The following ADGRV1 variants were observed in gnomAD, a reference collection of about 807,000 sequenced individuals.
ADGRV1 encodes adhesion G protein-coupled receptor V1.
In ADGRV1, 359 loss-of-function variants were observed where a neutral mutation model predicts 596.2. The observed-to-expected ratio is 0.60, with a 90% CI of 0.55 to 0.66. The LOEUF (loss-of-function observed/expected upper bound fraction) is 0.66, where lower values mean the gene tolerates loss of function less well. Among genes scored for constraint, ADGRV1 ranks in the 30% least tolerant of loss-of-function variants. The probability of loss-of-function intolerance (pLI) is 0.00; values close to 1 mark genes in which losing one functional copy is unlikely to be tolerated. For synonymous variants in ADGRV1, 2,681 were observed against 2,679.2 expected (o/e 1.00, Z -0.02); for missense variants, 7,274 against 7,575.6 (o/e 0.96, Z 1.48).
intron 21 of ADGRV1, among the ~76,000 whole-genome samples, chr5:90,666,699 C>T (rs1372770953): frequency 3.3e-5 from 5 of 150,736 alleles, no homozygotes; most frequent in Non-Finnish European, 5.9e-5. Flanking sequence ...CAGTTTCTTC[C>T]TAGTCTCGAT....
intron 81 of ADGRV1, 63 bp downstream of exon 81, chr5:90,854,264 C>T (rs1451253713): frequency 6.2e-6 from 8 of 1,285,872 alleles, no homozygotes; most frequent in Non-Finnish European, 1.1e-6. Flanking sequence ...ACCACTGAGC[C>T]TAATGTTTTG....
intron 83 of ADGRV1, among the ~76,000 whole-genome samples, chr5:90,927,465 T>C (rs2150776510): frequency 6.6e-6 from 1 of 152,322 alleles, no homozygotes; most frequent in South Asian, 2.1e-4. Context: ...ACCCCTGCCT[T>C]TTTTTGTTGT....
intron 85 of ADGRV1, among the ~76,000 whole-genome samples, chr5:91,048,304 C>T (rs1383301451): frequency 6.6e-6 from 1 of 152,264 alleles, no homozygotes; most frequent in Non-Finnish European, 1.5e-5. Context: ...TTCTATCAGA[C>T]AAGAACTAGG....
chr5:90,968,837 T>A (rs1778702870), intron 84 of ADGRV1, among the ~76,000 whole-genome samples: 1 of 152,184 alleles, frequency 6.6e-6, no homozygotes, highest in South Asian at 2.1e-4. Context: ...TCTACTTCAT[T>A]TTTTTAGTAA....
intron 84 of ADGRV1, among the ~76,000 whole-genome samples, chr5:90,978,944 A>C (rs1779856702): frequency 6.6e-6 from 1 of 152,198 alleles, no homozygotes; most frequent in African/African-American, 2.4e-5. Flanking sequence ...CAAGGTAAAG[A>C]AAAATTAATC....
chr5:90,600,954 C>T (rs1415628657), intron 1 of ADGRV1, among the ~76,000 whole-genome samples: 2 of 151,588 alleles, frequency 1.3e-5, no homozygotes, highest in Admixed American at 6.6e-5. Context: ...AGGGAAAACC[C>T]GGCCGAGCGC....
At chr5:91,013,318 C>T (rs1782878210) in intron 85 of ADGRV1, among the ~76,000 whole-genome samples, 1 of 152,114 alleles carries the variant, frequency 6.6e-6, no homozygotes, top group Non-Finnish European at 1.5e-5. Flanking sequence ...GACTAATTTA[C>T]ATTAGCACCA....
chr5:90,916,328 TA>T (rs1285391450), intron 83 of ADGRV1, among the ~76,000 whole-genome samples: 3 of 152,212 alleles, frequency 2.0e-5, no homozygotes, highest in South Asian at 2.1e-4. Context: ...TATATGAAGA[TA>T]TTTTTTAATT....
At chr5:90,789,194 G>A (rs546684310) in intron 68 of ADGRV1, among the ~76,000 whole-genome samples, 33 of 152,120 alleles carry the variant, frequency 2.2e-4, no homozygotes, top group African/African-American at 7.2e-4. Flanking sequence ...TCTCCTTTAC[G>A]TACAGTCAGC....
chr5:91,153,484 A>G (rs1433074726), intron 89 of ADGRV1, 86 bp downstream of exon 89: 10 of 915,782 alleles, frequency 1.1e-5, no homozygotes, highest in African/African-American at 1.7e-5. Context: ...GTTGCAAAGT[A>G]CTATCAGTCA....
At chr5:90,926,731 G>A (rs1216199011) in intron 83 of ADGRV1, among the ~76,000 whole-genome samples, 1 of 148,894 alleles carries the variant, frequency 6.7e-6, no homozygotes, top group Non-Finnish European at 1.5e-5. Context: ...ATGTTAGGGT[G>A]TCAATTTTGG....
chr5:90,569,306 T>C (rs154573), intron 1 of ADGRV1, among the ~76,000 whole-genome samples: 67,868 of 138,952 alleles, frequency 0.49, 17,232 homozygotes, highest in South Asian at 0.58. Flanking sequence ...ATTCAGACCA[T>C]AGTAATGAAT....
chr5:90,887,069 A>G (rs181185404), intron 83 of ADGRV1, among the ~76,000 whole-genome samples: 1 of 152,238 alleles, frequency 6.6e-6, no homozygotes. Flanking sequence ...TCCTCTATTG[A>G]TACCCTTTTA....
At position 90,652,507 on chromosome 5, in the gene ADGRV1, C is replaced by G. The variant is rs1324761019; in HGVS notation, c.3578C>G (p.Pro1193Arg). The G allele has an allele frequency of 6.2e-7, 1 of 1,613,158 alleles. No individual in the cohort carries two copies. The highest frequency in any genetic ancestry group is 1.7e-4 in the Middle Eastern group (1 of 6,058). ...EAKPIILHAFPDKIPEFNEFY... is the reference protein window; with the variant it reads ...EAKPIILHAFRDKIPEFNEFY... ...AAACCAATCATTCTCCATGCTTTTC[C>G]AGATAAAATTCCTGAATTCAATGAA... is the stretch of plus-strand genomic sequence containing the variant. The change falls in exon 19 of 90, where the codon CCA becomes CGA. Residue 1193 changes from proline to arginine, a missense_variant. By Grantham distance (103) the Pro-to-Arg change is moderately radical. Coordinates refer to ENST00000405460, the MANE Select transcript of ADGRV1 (RefSeq NM_032119.4).
At chr5:91,019,679 T>G (rs1203776516) in intron 85 of ADGRV1, among the ~76,000 whole-genome samples, 1 of 152,054 alleles carries the variant, frequency 6.6e-6, no homozygotes, top group Non-Finnish European at 1.5e-5. Context: ...TTTTTAATCC[T>G]TAAATTCCTG....
chr5:90,974,338 G>C (rs575898627), intron 84 of ADGRV1, among the ~76,000 whole-genome samples: 1 of 152,208 alleles, frequency 6.6e-6, no homozygotes, highest in African/African-American at 2.4e-5. Flanking sequence ...TCACAGAATT[G>C]GAAAAAACTA....
chr5:90,669,713 G>A (rs1561494440), intron 21 of ADGRV1, among the ~76,000 whole-genome samples: 1 of 152,156 alleles, frequency 6.6e-6, no homozygotes, highest in Non-Finnish European at 1.5e-5. Flanking sequence ...GTTGAACTGA[G>A]TAGCTGGTAG....
intron 75 of ADGRV1, among the ~76,000 whole-genome samples, chr5:90,816,065 T>A (rs1762862891): frequency 6.6e-6 from 1 of 152,194 alleles, no homozygotes; most frequent in Non-Finnish European, 1.5e-5. Context: ...CAAAACTTTG[T>A]TTGCAACTTA....
At chr5:90,721,365 G>C (rs918412309) in intron 45 of ADGRV1, among the ~76,000 whole-genome samples, 1 of 151,588 alleles carries the variant, frequency 6.6e-6, no homozygotes, top group African/African-American at 2.4e-5. Context: ...TTAGCCGGGC[G>C]TAGTGGCAGG....
Sources: gnomAD v4.1 joint callset for allele counts (sites outside exome capture counted in the v4.1 genomes callset) on GRCh38, gnomAD v4.1.1 for gene constraint, MANE v1.5 for transcripts, NCBI Gene and HGNC (gene_info 2026-07-23, HGNC 2026-07-21) for gene names.